SNTG1: variants seen among roughly 807,000 people sequenced by gnomAD.
SNTG1 encodes gamma-1-syntrophin.
SNTG1 carries 39 observed loss-of-function variants against 74.7 expected under a neutral mutation model. The observed-to-expected ratio is 0.52, with a 90% CI of 0.40 to 0.68. The LOEUF (loss-of-function observed/expected upper bound fraction) is 0.68. Among genes scored for constraint, SNTG1 ranks in the 30% least tolerant of loss-of-function variants. The probability of loss-of-function intolerance (pLI) is 0.00; values close to 1 mark genes in which losing one functional copy is unlikely to be tolerated. For missense variants in SNTG1, 685 were observed against 609.5 expected (o/e 1.12, Z -1.30); for synonymous variants, 254 against 217.1 (o/e 1.17, Z -1.49).
intron 3 of SNTG1, among the ~76,000 whole-genome samples, chr8:50,397,388 G>T (rs557451096): frequency 6.6e-6 from 1 of 152,208 alleles, no homozygotes; most frequent in African/African-American, 2.4e-5. Context: ...GATCTGTAAA[G>T]ACTTTGCAGG....
At position 50,281,196 on chromosome 8, in the gene SNTG1, T is replaced by C. The variant is rs182619664; in HGVS notation, c.-28+108561T>C. 1.9e-3 allele frequency among the ~76,000 whole-genome samples: 285 copies of C among 152,234 alleles called. 3 individuals are homozygous for C. The highest frequency in any genetic ancestry group is 0.018 in the Admixed American group (272 of 15,276). On this transcript the variant is annotated intron_variant, in intron 2 of 18. Coordinates refer to ENST00000642720, the MANE Select transcript of SNTG1 (RefSeq NM_018967.5). ...GTCAGGTTGGAATTTGGTATCCTAC[T>C]GCAACAAAGAGTCTGTTTTGTCAGT...
chr8:50,338,707 G>A (rs916369705), intron 2 of SNTG1, among the ~76,000 whole-genome samples: 1 of 151,996 alleles, frequency 6.6e-6, no homozygotes, highest in African/African-American at 2.4e-5. Flanking sequence ...TTGAAGATAC[G>A]TCTATGGAAG....
rs919826666 is a variant in SNTG1, at chr8:50,438,326, C to T, written c.163-217C>T. ...TTTTTAAGAGTTTAGGAGTTTATAA[C>T]GCTTCAGTCCCTGTTATTTTAACAA... On this transcript the variant is annotated intron_variant, in intron 4 of 18. Transcript: ENST00000642720. 1.8e-4 allele frequency among the ~76,000 whole-genome samples: 28 copies of T among 152,230 alleles called. No individual in the cohort carries two copies. The East Asian group carries it at 2.1e-3, about 12-fold the overall frequency.
chr8:50,600,867 T>C (rs2094768250), intron 13 of SNTG1, among the ~76,000 whole-genome samples: 2 of 151,646 alleles, frequency 1.3e-5, no homozygotes, highest in South Asian at 4.2e-4. Flanking sequence ...GCTTGTCTAG[T>C]TCTTTAAGGC....
chr8:50,156,480 C>T (rs1193911176), intron 1 of SNTG1, among the ~76,000 whole-genome samples: 1 of 151,760 alleles, frequency 6.6e-6, no homozygotes, highest in Admixed American at 6.6e-5. Flanking sequence ...CTTCAAAATA[C>T]AAAAATCAAT....
At chr8:50,383,769 A>G (rs890430106) in intron 2 of SNTG1, among the ~76,000 whole-genome samples, 1 of 152,098 alleles carries the variant, frequency 6.6e-6, no homozygotes, top group Admixed American at 6.6e-5. Context: ...ACACCTAAGG[A>G]ACCTCCTGTG....
chr8:50,104,195 C>G (rs1291465854), intron 1 of SNTG1, among the ~76,000 whole-genome samples: 1 of 152,106 alleles, frequency 6.6e-6, no homozygotes, highest in South Asian at 2.1e-4. Context: ...TGGTCTTGGA[C>G]TCTTTTTGGT....
At chr8:50,415,400 G>A (rs79275902) in intron 4 of SNTG1, among the ~76,000 whole-genome samples, 7,110 of 152,098 alleles carry the variant, frequency 0.047, 217 homozygotes, top group Middle Eastern at 0.096. Flanking sequence ...AAGTGAAATG[G>A]AATAGGTAAT....
intron 2 of SNTG1, among the ~76,000 whole-genome samples, chr8:50,311,574 T>C (rs1347430168): frequency 1.3e-5 from 2 of 152,216 alleles, no homozygotes; most frequent in Non-Finnish European, 2.9e-5. Context: ...TTGATATGCA[T>C]AATGTGACTG....
chr8:50,549,245 G>A (rs1251553137), intron 11 of SNTG1, among the ~76,000 whole-genome samples: 1 of 150,538 alleles, frequency 6.6e-6, no homozygotes, highest in Non-Finnish European at 1.5e-5. Context: ...AGTGAACCAA[G>A]GTAGTGCACA....
At chr8:49,915,225 C>T (rs1805920558) in intron 1 of SNTG1, among the ~76,000 whole-genome samples, 1 of 152,168 alleles carries the variant, frequency 6.6e-6, no homozygotes, top group Admixed American at 6.5e-5. Context: ...CCTGAACACT[C>T]ATGAGATAAG....
chr8:50,208,927 G>A (rs773579968), intron 2 of SNTG1, among the ~76,000 whole-genome samples: 21 of 152,204 alleles, frequency 1.4e-4, no homozygotes, highest in Non-Finnish European at 2.9e-4. Context: ...ACGGAGCAGG[G>A]CAGGGCATCG....
intron 17 of SNTG1, among the ~76,000 whole-genome samples, chr8:50,735,861 C>A (rs920861601): frequency 1.1e-4 from 17 of 151,964 alleles, no homozygotes; most frequent in Non-Finnish European, 2.4e-4. Context: ...ATGTTAAGGG[C>A]AGCCAGAGAG....
rs529492384 is a variant in SNTG1, at chr8:50,583,934, C to A, written c.811-6945C>A. ...CTATCCCTCCCCGCTCCCTCCACCC[C>A]ACGACAGGCCCCAGAGTGTGATGTT... On this transcript the variant is annotated intron_variant, in intron 12 of 18. Coordinates refer to ENST00000642720, the MANE Select transcript of SNTG1 (RefSeq NM_018967.5). Among the ~76,000 whole-genome samples the A allele has an allele frequency of 3.3e-5, 5 of 152,100 alleles. No individual in the cohort carries two copies. The East Asian group carries it at 7.8e-4, about 24-fold the overall frequency.
chr8:50,113,181 T>A (rs1473023117), intron 1 of SNTG1, among the ~76,000 whole-genome samples: 1 of 152,176 alleles, frequency 6.6e-6, no homozygotes, highest in East Asian at 1.9e-4. Flanking sequence ...ATCTATAAAT[T>A]ACCTTGGGCA....
At chr8:50,062,338 C>T (rs1307384943) in intron 1 of SNTG1, among the ~76,000 whole-genome samples, 5 of 152,016 alleles carry the variant, frequency 3.3e-5, no homozygotes, top group Non-Finnish European at 7.4e-5. Flanking sequence ...TGAGCCATGG[C>T]GCCAGACCAG....
intron 3 of SNTG1, among the ~76,000 whole-genome samples, chr8:50,395,040 T>C (rs2092709499): frequency 1.3e-5 from 2 of 152,134 alleles, no homozygotes; most frequent in Admixed American, 1.3e-4. Context: ...AAAATCAAAC[T>C]AGGGAAAGAC....
intron 1 of SNTG1, among the ~76,000 whole-genome samples, chr8:50,080,097 G>A (rs1181221320): frequency 6.6e-6 from 1 of 151,862 alleles, no homozygotes; most frequent in Non-Finnish European, 1.5e-5. Context: ...GTATATTTAT[G>A]GTGATCTTTA....
Position 50,217,361 on chromosome 8 carries a change from G to A in SNTG1, c.-28+44726G>A, listed in dbSNP as rs1487548015. On this transcript the variant is annotated intron_variant, in intron 2 of 18. Transcript: ENST00000642720. ...CAATCACTGGGAAGACAGCCCAAAG[G>A]GATAAAGCACTATATATATATTATA... Among the ~76,000 whole-genome samples the A allele has an allele frequency of 7.9e-5, 12 of 151,740 alleles. 1 individual carries two copies. In the East Asian group the frequency reaches 2.3e-3, roughly 29 times the overall value.
Sources: allele counts gnomAD v4.1 joint callset (sites outside exome capture counted in the v4.1 genomes callset), GRCh38; gene constraint gnomAD v4.1.1; transcripts MANE v1.5; gene names NCBI Gene and HGNC (gene_info 2026-07-23, HGNC 2026-07-21).